MOB1A: variants seen among roughly 807,000 people sequenced by gnomAD.
MOB1A encodes the protein MOB kinase activator 1A, also known as MOB1 Mps One Binder homolog A.
A neutral mutation model predicts 25.1 loss-of-function variants in MOB1A; 10 were observed. That is an observed-to-expected ratio of 0.40 (90% CI 0.25 to 0.68). The LOEUF is 0.68. Ranked by LOEUF, MOB1A falls within the 30% of genes least tolerant of loss-of-function variation. The pLI is 0.40. For missense variants in MOB1A, 177 were observed against 256.3 expected, an observed-to-expected ratio of 0.69 and a Z score of 2.11; for synonymous variants, 81 against 79.5, an observed-to-expected ratio of 1.02 and a Z score of -0.10.
intron 4 of MOB1A, among the ~76,000 whole-genome samples, chr2:74,160,099 T>C (rs1620482): frequency 0.35 from 53,746 of 152,062 alleles, 10,235 homozygotes; most frequent in Middle Eastern, 0.48. Context: ...TTTAGTTCTT[T>C]AATATTAGAG....
At chr2:74,166,221 TAA>T (rs1284170974) in intron 3 of MOB1A, among the ~76,000 whole-genome samples, 2 of 152,134 alleles carry the variant, frequency 1.3e-5, no homozygotes, top group Non-Finnish European at 2.9e-5. Flanking sequence ...TGAAATTTAT[TAA>T]AGTCAAAATG....
intron 2 of MOB1A, among the ~76,000 whole-genome samples, chr2:74,170,881 C>A (rs1693274047): frequency 6.6e-6 from 1 of 151,846 alleles, no homozygotes; most frequent in Non-Finnish European, 1.5e-5. Flanking sequence ...CAAAGCAAGA[C>A]CCCATCTCTG....
At chr2:74,176,772 A>T (rs1471084217) in intron 1 of MOB1A, among the ~76,000 whole-genome samples, 1 of 151,868 alleles carries the variant, frequency 6.6e-6, no homozygotes, top group African/African-American at 2.4e-5. Context: ...TCAAAAAAAA[A>T]AAAAAAGAAA....
chr2:74,163,542 G>C (rs1287244263), intron 4 of MOB1A, among the ~76,000 whole-genome samples: 1 of 152,098 alleles, frequency 6.6e-6, no homozygotes, highest in South Asian at 2.1e-4. Context: ...GGAAGCTAAG[G>C]TGGGAGGATC....
chr2:74,162,364 C>T (rs867711931), intron 4 of MOB1A, among the ~76,000 whole-genome samples: 15 of 152,074 alleles, frequency 9.9e-5, no homozygotes, highest in Non-Finnish European at 1.8e-4. Flanking sequence ...CGCCTGTAGT[C>T]CCAGCTACTT....
chr2:74,173,862 T>G (rs182977854), intron 1 of MOB1A, among the ~76,000 whole-genome samples: 1 of 136,484 alleles, frequency 7.3e-6, no homozygotes, highest in Non-Finnish European at 1.5e-5. Context: ...GGCAGGAGAA[T>G]GGGGTGAACC....
rs184539964 is a variant in MOB1A, at chr2:74,175,961, A to G, written c.14+2700T>C. ...AAATAAGACTGATTAAGAAGTAAAA[A>G]AGAGCCGGGTGCAGTGGCTCACACC... On this transcript the variant is annotated intron_variant, in intron 1 of 5. Coordinates refer to ENST00000396049, the MANE Select transcript of MOB1A (RefSeq NM_018221.5). 4.2e-3 allele frequency among the ~76,000 whole-genome samples: 646 copies of G among 152,080 alleles called. 1 individual carries two copies. Among genetic ancestry groups the G allele is most frequent in the Non-Finnish European group, 6.7e-3 (454 of 67,986 alleles).
chr2:74,177,707 A>G lies in MOB1A; in HGVS notation c.14+954T>C, dbSNP rs1037865167. ...ATATAGTGTTTTTATATTGTATTTA[A>G]TAAAAATGTCAAGCATGTGGATTAC... is the stretch of plus-strand genomic sequence containing the variant. On this transcript the variant is annotated intron_variant, in intron 1 of 5. Transcript: ENST00000396049. Among the ~76,000 whole-genome samples, 13 of 152,326 alleles carry G rather than the reference A, an allele frequency of 8.5e-5. No homozygotes were observed. In the South Asian group the frequency reaches 2.7e-3, roughly 32 times the overall value.
chr2:74,172,742 A>T lies in MOB1A; in HGVS notation c.25T>A (p.Ser9Thr). Reference protein sequence around the residue: MSFLFSSRSSKTFKPKKNI... With the variant: MSFLFSSRTSKTFKPKKNI... ...TTCTTTGGTTTGAATGTTTTAGAAG[A>T]GCGGCTGCTGCTGTAAGATTAAAAG... Residue 9 changes from serine (S) to threonine (T), a missense_variant, in exon 2 of 6, where the codon TCT (serine) becomes ACT (threonine). Coordinates refer to ENST00000396049, the MANE Select transcript of MOB1A (RefSeq NM_018221.5). The T allele has an allele frequency of 6.2e-7, 1 of 1,613,386 alleles. No individual in the cohort carries two copies. The highest frequency in any genetic ancestry group is 8.5e-7 in the Non-Finnish European group (1 of 1,179,652).
At position 74,173,108 on chromosome 2, in the gene MOB1A, C is replaced by T. The variant is rs1242507299; in HGVS notation, c.15-356G>A. Reference sequence around the variant, plus strand: ...CTGAAATCGCATCACTGCACTCCAGCCCAGGTGACAGAGCAAGACTCAGTC... The same window carrying T: ...CTGAAATCGCATCACTGCACTCCAGTCCAGGTGACAGAGCAAGACTCAGTC... On this transcript the variant is annotated intron_variant, in intron 1 of 5. Coordinates refer to ENST00000396049, the MANE Select transcript of MOB1A (RefSeq NM_018221.5). The T allele has an allele frequency of 6.3e-6, 3 of 479,390 alleles. No homozygotes were observed. The Admixed American group carries it at 6.8e-5, about 11-fold the overall frequency. The allele number at this position is 479,390 out of a possible 1,614,324, so 29.7% of individuals were successfully genotyped here.
intron 2 of MOB1A, among the ~76,000 whole-genome samples, chr2:74,168,450 G>A (rs1025921539): frequency 6.6e-6 from 1 of 152,086 alleles, no homozygotes; most frequent in African/African-American, 2.4e-5. Flanking sequence ...GACCAGTCTG[G>A]GCAACACAGC....
intron 2 of MOB1A, among the ~76,000 whole-genome samples, chr2:74,172,138 C>T (rs1693311203): frequency 6.6e-6 from 1 of 152,164 alleles, no homozygotes; most frequent in Admixed American, 6.6e-5. Flanking sequence ...TTCTCCCAAT[C>T]TCTCAATTCC....
intron 1 of MOB1A, among the ~76,000 whole-genome samples, chr2:74,173,724 G>T (rs1181731573): frequency 6.7e-6 from 1 of 148,870 alleles, no homozygotes; most frequent in African/African-American, 2.5e-5. Context: ...GCCGAGACGG[G>T]TGGATCACGA....
chr2:74,177,817 A>C (rs1160757853), intron 1 of MOB1A, among the ~76,000 whole-genome samples: 2 of 152,198 alleles, frequency 1.3e-5, no homozygotes, highest in South Asian at 2.1e-4. Flanking sequence ...CCTGAGAATA[A>C]AAAATACTGT....
At position 74,176,358 on chromosome 2, in the gene MOB1A, T is replaced by TA. The variant is rs371914834; in HGVS notation, c.14+2302dup. On this transcript the variant is annotated intron_variant, in intron 1 of 5. Transcript: ENST00000396049. ...CATATCTGAAAAGTTTTTAACATGA[T>TA]AAAAAAAACTATATTGAACAAGGAA... 3.8e-4 allele frequency among the ~76,000 whole-genome samples: 50 copies of TA among 131,630 alleles called. 1 individual carries two copies. In the East Asian group the frequency reaches 4.2e-3, roughly 11 times the overall value. 86.4% of individuals were successfully genotyped at this position (131,630 alleles called of 152,430 possible).
Position 74,178,804 on chromosome 2 carries a change from G to A in MOB1A, c.-130C>T, listed in dbSNP as rs1490155137. 4.3e-6 allele frequency: 2 copies of A among 470,370 alleles called. No individual in the cohort carries two copies. The highest frequency in any genetic ancestry group is 2.0e-5 in the African/African-American group (1 of 48,866). 29.1% of individuals were successfully genotyped at this position (470,370 alleles called of 1,614,324 possible). On this transcript the variant is annotated 5_prime_UTR_variant, in exon 1 of 6. Transcript: ENST00000396049. ...GCCGGGCCGCCGCCGCTCGGAGCCG[G>A]GTTTCTGGCCGCTGCGAGCCTTTGC...
intron 4 of MOB1A, among the ~76,000 whole-genome samples, chr2:74,162,528 C>T (rs890303948): frequency 1.3e-5 from 2 of 151,982 alleles, no homozygotes; most frequent in Non-Finnish European, 2.9e-5. Context: ...AATTATTTAC[C>T]TTCCATAAGC....
chr2:74,161,487 C>T (rs1692971176), intron 4 of MOB1A, among the ~76,000 whole-genome samples: 1 of 151,852 alleles, frequency 6.6e-6, no homozygotes, highest in Middle Eastern at 3.4e-3. Context: ...ACTAAAAATA[C>T]AAAAATTAGC....
chr2:74,172,719 C>T lies in MOB1A; in HGVS notation c.48G>A (p.Lys16=). ...SSRSSKTFKP[K]KNIPEGSHQY... ...GATGAGATCCTTCAGGGATATTCTT[C>T]TTTGGTTTGAATGTTTTAGAAGAGC... Residue 16 remains lysine, a synonymous_variant, in exon 2 of 6, where the codon AAG becomes AAA. Coordinates refer to ENST00000396049, the MANE Select transcript of MOB1A (RefSeq NM_018221.5). 1 of 1,613,680 alleles carries T rather than the reference C, an allele frequency of 6.2e-7. No homozygotes were observed. The highest frequency in any genetic ancestry group is 1.3e-5 in the African/African-American group (1 of 75,024).
Sources: allele counts gnomAD v4.1 joint callset (sites outside exome capture counted in the v4.1 genomes callset), GRCh38; gene constraint gnomAD v4.1.1; transcripts MANE v1.5; gene names NCBI Gene and HGNC (gene_info 2026-07-23, HGNC 2026-07-21).